SCLT1: variants seen among roughly 807,000 people sequenced by gnomAD.
SCLT1 encodes sodium channel and clathrin linker 1.
In SCLT1, 78 loss-of-function variants were observed where a neutral mutation model predicts 112.8. That is an observed-to-expected ratio of 0.69 (90% CI 0.58 to 0.83). The LOEUF (loss-of-function observed/expected upper bound fraction) is 0.83. SCLT1 is among the 40% of genes least tolerant of loss of function. The pLI is 0.00. For missense variants in SCLT1, 747 were observed against 770.4 expected (o/e 0.97, Z 0.36); for synonymous variants, 257 against 254.7 (o/e 1.01, Z -0.09).
chr4:128,875,637 T>C (rs764787565), intron 4 of SCLT1, among the ~76,000 whole-genome samples: 16 of 152,198 alleles, frequency 1.1e-4, no homozygotes, highest in Non-Finnish European at 1.9e-4. Flanking sequence ...AACTTAGATA[T>C]TGAAGTAGTT....
chr4:128,929,566 C>G (rs545250480), intron 18 of SCLT1, among the ~76,000 whole-genome samples: 63 of 152,216 alleles, frequency 4.1e-4, no homozygotes, highest in Admixed American at 7.8e-4. Flanking sequence ...GGTCACTTTT[C>G]AAATCTTGTA....
At chr4:128,983,336 A>C (rs185084807) in intron 9 of SCLT1, among the ~76,000 whole-genome samples, 6 of 152,334 alleles carry the variant, frequency 3.9e-5, no homozygotes, top group Admixed American at 3.9e-4. Flanking sequence ...TTATCATCAT[A>C]ACTCAGTTGG....
intron 2 of SCLT1, among the ~76,000 whole-genome samples, chr4:129,056,491 T>C (rs1053112224): frequency 5.9e-5 from 9 of 152,192 alleles, no homozygotes; most frequent in African/African-American, 1.9e-4. Flanking sequence ...TGTATTTCTA[T>C]TTGGATCATT....
intron 5 of SCLT1, among the ~76,000 whole-genome samples, chr4:129,006,547 A>G (rs955400121): frequency 2.7e-4 from 41 of 151,974 alleles, no homozygotes; most frequent in African/African-American, 8.5e-4. Flanking sequence ...CAAAAAAAAA[A>G]AAAAAAAATT....
intron 18 of SCLT1, among the ~76,000 whole-genome samples, chr4:128,905,548 CTACT>C (rs747323351): frequency 9.9e-5 from 15 of 151,908 alleles, no homozygotes; most frequent in Non-Finnish European, 2.1e-4. Context: ...TAAAATAGTA[CTACT>C]TAAACATTCT....
At chr4:129,079,085 C>T (rs748458810) in intron 2 of SCLT1, among the ~76,000 whole-genome samples, 62 of 152,154 alleles carry the variant, frequency 4.1e-4, no homozygotes, top group Non-Finnish European at 6.8e-4. Flanking sequence ...AATCACCTCC[C>T]ACCAGGGCTC....
chr4:128,967,192 T>G (rs80158996), intron 10 of SCLT1, among the ~76,000 whole-genome samples: 1 of 152,210 alleles, frequency 6.6e-6, no homozygotes, highest in Non-Finnish European at 1.5e-5. Flanking sequence ...ATGATTTCAT[T>G]CTTTTTATGG....
chr4:129,021,700 C>T (rs771551334), intron 5 of SCLT1, among the ~76,000 whole-genome samples: 5 of 152,160 alleles, frequency 3.3e-5, no homozygotes, highest in Non-Finnish European at 7.4e-5. Context: ...CCCCATTGCC[C>T]TAAGGAAGGG....
At chr4:129,021,581 G>T (rs1745476844) in intron 5 of SCLT1, among the ~76,000 whole-genome samples, 1 of 152,146 alleles carries the variant, frequency 6.6e-6, no homozygotes, top group Non-Finnish European at 1.5e-5. Flanking sequence ...GTCTGGGCTG[G>T]GCGTGGCAAA....
rs72924185 is a variant in SCLT1 at position 129,042,152 on chromosome 4, A to C, written c.234+1243T>G. Among the ~76,000 whole-genome samples the C allele has an allele frequency of 4.8e-3, 732 of 152,212 alleles. 4 individuals are homozygous for C. Among genetic ancestry groups the C allele is most frequent in the African/African-American group, 0.016 (665 of 41,538 alleles). The stretch of plus-strand genomic sequence containing the variant: ...CATTTATCCAGGAATTGGTATCTAA[A>C]CCAAATCCAATCATGAGTATATTCA... On this transcript the variant is annotated intron_variant, in intron 4 of 20. Transcript: ENST00000281142.
chr4:128,961,304 G>A (rs1203226650), intron 11 of SCLT1, among the ~76,000 whole-genome samples: 1 of 151,950 alleles, frequency 6.6e-6, no homozygotes, highest in Non-Finnish European at 1.5e-5. Context: ...ATGGCCAGTT[G>A]TATGAATACC....
At chr4:128,963,284 T>C (rs1362812891) in intron 11 of SCLT1, among the ~76,000 whole-genome samples, 1 of 152,208 alleles carries the variant, frequency 6.6e-6, no homozygotes, top group Non-Finnish European at 1.5e-5. Context: ...TAGTATCCAT[T>C]GGTGAATTTT....
Position 129,093,221 on chromosome 4 carries a change from GCGGTGC to G in SCLT1, c.-124_-119del. On this transcript the variant is annotated 5_prime_UTR_variant, in exon 1 of 21. Coordinates refer to ENST00000281142, the MANE Select transcript of SCLT1 (RefSeq NM_144643.4). Reference sequence around the variant, plus strand: ...GCTCGGTTGGTTGTCAAGCGCTCCAGCGGTGCAATCTGCATCCTACTCACGCGGCAT... The same window carrying G: ...GCTCGGTTGGTTGTCAAGCGCTCCAGAATCTGCATCCTACTCACGCGGCAT... 1 of 921,708 alleles carries G rather than the reference GCGGTGC, an allele frequency of 1.1e-6. No individual in the cohort carries two copies. The highest frequency in any genetic ancestry group is 1.3e-5 in the South Asian group (1 of 75,476). 57.1% of individuals were successfully genotyped at this position (921,708 alleles called of 1,614,324 possible).
chr4:129,064,065 G>A (rs953206286), intron 2 of SCLT1, among the ~76,000 whole-genome samples: 6 of 152,134 alleles, frequency 3.9e-5, no homozygotes, highest in African/African-American at 1.4e-4. Flanking sequence ...TAGAAAGGGT[G>A]GTTGTCAAAA....
At chr4:128,945,931 GA>G in intron 16 of SCLT1, 75 bp downstream of exon 16, 1 of 958,268 alleles carries the variant, frequency 1.0e-6, no homozygotes, top group Non-Finnish European at 1.6e-6. Flanking sequence ...CCAAAAAAAA[GA>G]AAAGGTAGCG....
At chr4:129,091,401 C>T (rs1752810069) in intron 1 of SCLT1, among the ~76,000 whole-genome samples, 1 of 151,886 alleles carries the variant, frequency 6.6e-6, no homozygotes, top group African/African-American at 2.4e-5. Context: ...TACTATGCTT[C>T]AGTTGTCTTA....
At chr4:128,958,733 C>T (rs549607394) in intron 12 of SCLT1, among the ~76,000 whole-genome samples, 1 of 152,092 alleles carries the variant, frequency 6.6e-6, no homozygotes, top group Non-Finnish European at 1.5e-5. Flanking sequence ...TTCTAAAAGA[C>T]AGTATTCAGA....
chr4:128,912,460 T>C (rs1735176010), intron 18 of SCLT1, among the ~76,000 whole-genome samples: 1 of 152,190 alleles, frequency 6.6e-6, no homozygotes, highest in Non-Finnish European at 1.5e-5. Context: ...ATGACTGTCA[T>C]AGAATTTTGT....
intron 8 of SCLT1, chr4:128,997,291 A>C (rs1194172419): frequency 6.6e-6 from 1 of 151,984 alleles, no homozygotes. Context: ...AGAATGAAGA[A>C]GGGAAAGAGA....
Sources: allele counts gnomAD v4.1 joint callset (sites outside exome capture counted in the v4.1 genomes callset), GRCh38; gene constraint gnomAD v4.1.1; transcripts MANE v1.5; gene names NCBI Gene and HGNC (gene_info 2026-07-23, HGNC 2026-07-21).